BCAS3: variants seen among roughly 807,000 people sequenced by gnomAD.
The protein encoded by BCAS3 is BCAS4/BCAS3 fusion.
Under a neutral mutation model 116.1 loss-of-function variants are expected in BCAS3, and 53 were observed. The ratio of observed to expected loss-of-function variants is 0.46; its 90% CI spans 0.37 to 0.57. The LOEUF (loss-of-function observed/expected upper bound fraction) is 0.57, where lower values mean the gene tolerates loss of function less well. Among genes scored for constraint, BCAS3 ranks in the 20% least tolerant of loss-of-function variants. BCAS3 has a pLI of 0.00. For missense variants in BCAS3, 917 were observed against 1,165.4 expected (o/e 0.79, Z 3.10); for synonymous variants, 391 against 408.2 (o/e 0.96, Z 0.51).
chr17:60,853,588 C>T (rs145063116), intron 7 of BCAS3, among the ~76,000 whole-genome samples: 11 of 152,050 alleles, frequency 7.2e-5, no homozygotes, highest in African/African-American at 9.7e-5. Context: ...GAGATAATCA[C>T]GAGATAGTCA....
chr17:61,095,854 C>A lies in BCAS3; in HGVS notation c.2425+11290C>A, dbSNP rs1178909736. Among the ~76,000 whole-genome samples, 1 of 151,882 alleles carries A rather than the reference C, an allele frequency of 6.6e-6. No homozygotes were observed. The highest frequency in any genetic ancestry group is 1.5e-5 in the Non-Finnish European group (1 of 67,954). ...GTATGCATATTCTCGTACACACACACACACACACACACACACACATTAAAT... is the reference window on the plus strand; with the variant it reads ...GTATGCATATTCTCGTACACACACAAACACACACACACACACACATTAAAT... On this transcript the variant is annotated intron_variant, in intron 22 of 23. Coordinates refer to ENST00000407086, the MANE Select transcript of BCAS3 (RefSeq NM_017679.5). The surrounding 1 kb of genome is among the most constrained non-coding windows in gnomAD (Gnocchi z 4.7).
chr17:61,357,740 C>A (rs146401658), intron 22 of BCAS3, among the ~76,000 whole-genome samples: 4,629 of 147,898 alleles, frequency 0.031, 218 homozygotes, highest in African/African-American at 0.1. Flanking sequence ...CCATGCCCGG[C>A]CAAAAATTTT....
At chr17:61,086,362 G>T (rs1213824771) in intron 22 of BCAS3, among the ~76,000 whole-genome samples, 2 of 152,110 alleles carry the variant, frequency 1.3e-5, no homozygotes, top group Non-Finnish European at 2.9e-5. Context: ...CAAAGTGTTG[G>T]GATTACAGGC....
chr17:60,763,345 C>T (rs2043741534), intron 6 of BCAS3, among the ~76,000 whole-genome samples: 1 of 152,102 alleles, frequency 6.6e-6, no homozygotes, highest in South Asian at 2.1e-4. Context: ...TCTTAAATGG[C>T]TCTTATTATT....
chr17:60,924,518 CTTT>C lies in BCAS3; in HGVS notation c.1087+34_1087+36del, dbSNP rs75229063. ...TACAAGTGGTAAGTTCGCTCTCTGT[CTTT>C]TTTTTTTTTTTTTTTGTAGACCATT... On this transcript the variant is annotated intron_variant, in intron 13 of 23. Transcript: ENST00000407086. The C allele has an allele frequency of 5.0e-3, 5,465 of 1,085,252 alleles. No homozygotes were observed. The highest frequency in any genetic ancestry group is 6.0e-3 in the South Asian group (352 of 58,424). The allele number at this position is 1,085,252 out of a possible 1,614,324, so 67.2% of individuals were successfully genotyped here. A position where few individuals can be genotyped will look rare whatever the true frequency, so the allele number is the denominator to read the frequency against.
chr17:60,703,734 G>A (rs1040757850), intron 4 of BCAS3, among the ~76,000 whole-genome samples: 1 of 150,436 alleles, frequency 6.6e-6, no homozygotes, highest in Non-Finnish European at 1.5e-5. Flanking sequence ...CTAACATGGT[G>A]AAACCCCGTT....
chr17:61,052,811 C>G (rs564564476), intron 19 of BCAS3, among the ~76,000 whole-genome samples: 1 of 150,896 alleles, frequency 6.6e-6, no homozygotes, highest in African/African-American at 2.4e-5. Context: ...CTCTGCCTCC[C>G]GGATCAAGTG....
At chr17:61,257,837 C>T (rs1159202006) in intron 22 of BCAS3, among the ~76,000 whole-genome samples, 1 of 152,176 alleles carries the variant, frequency 6.6e-6, no homozygotes, top group African/African-American at 2.4e-5. Flanking sequence ...AATGCAGTGA[C>T]ACAAACACAG....
Position 61,021,495 on chromosome 17 carries a change from G to T in BCAS3, c.1637+5594G>T, listed in dbSNP as rs1016857757. On this transcript the variant is annotated intron_variant, in intron 16 of 23. Transcript: ENST00000407086. The surrounding 1 kb of genome is among the most constrained non-coding windows in gnomAD (Gnocchi z 4.6). Reference sequence around the variant, plus strand: ...GAGGCCCTGGCTTCTTCTCATCTGGGTTCTGCACCTATTTGCCAGTGTGTC... The same window carrying T: ...GAGGCCCTGGCTTCTTCTCATCTGGTTTCTGCACCTATTTGCCAGTGTGTC... Among the ~76,000 whole-genome samples the T allele has an allele frequency of 1.3e-5, 2 of 151,924 alleles. No homozygotes were observed. The highest frequency in any genetic ancestry group is 4.2e-4 in the South Asian group (2 of 4,806).
In BCAS3 at chr17:61,279,855, A is replaced by G. The variant is rs1453730762; in HGVS notation, c.2426-88472A>G. Among the ~76,000 whole-genome samples the G allele has an allele frequency of 6.6e-6, 1 of 151,100 alleles. No individual in the cohort carries two copies. The highest frequency in any genetic ancestry group is 1.5e-5 in the Non-Finnish European group (1 of 67,934). ...TGCAGGCTGATTGGATGACTGTGGCAGTACCAGCTTTGCTAAATCTCCTTT... is the reference window on the plus strand; with the variant it reads ...TGCAGGCTGATTGGATGACTGTGGCGGTACCAGCTTTGCTAAATCTCCTTT... On this transcript the variant is annotated intron_variant, in intron 22 of 23. Coordinates refer to ENST00000407086, the MANE Select transcript of BCAS3 (RefSeq NM_017679.5). This position sits in a 1 kb window ranked among gnomAD's most constrained non-coding sequence, Gnocchi z 4.4.
In BCAS3 at chr17:61,274,716, T is replaced by G. The variant is rs558315622; in HGVS notation, c.2426-93611T>G. On this transcript the variant is annotated intron_variant, in intron 22 of 23. Transcript: ENST00000407086. ...AGCAAGGGATGTCCACTCTCACCAC[T>G]GCTATTCACCCAAGTACAGGAGGTT... 7.2e-5 allele frequency among the ~76,000 whole-genome samples: 11 copies of G among 152,296 alleles called. No homozygotes were observed. The South Asian group carries it at 2.3e-3, about 32-fold the overall frequency.
At chr17:60,970,447 G>A (rs927831378) in intron 14 of BCAS3, among the ~76,000 whole-genome samples, 1 of 152,030 alleles carries the variant, frequency 6.6e-6, no homozygotes, top group Non-Finnish European at 1.5e-5. Context: ...TTGCCTATAA[G>A]GTAGTGTTGA....
chr17:61,230,959 CT>C (rs763299746), intron 22 of BCAS3, among the ~76,000 whole-genome samples: 17,369 of 121,764 alleles, frequency 0.14, 783 homozygotes, highest in African/African-American at 0.21. Flanking sequence ...TAGTTTTTGC[CT>C]TTTTTTTTTT....
Position 61,352,075 on chromosome 17 carries a change from C to G in BCAS3, c.2426-16252C>G, listed in dbSNP as rs1379993804. 6.6e-6 allele frequency among the ~76,000 whole-genome samples: 1 copy of G among 152,176 alleles called. No homozygotes were observed. The highest frequency in any genetic ancestry group is 2.4e-5 in the African/African-American group (1 of 41,438). On this transcript the variant is annotated intron_variant, in intron 22 of 23. Transcript: ENST00000407086. This position sits in a 1 kb window ranked among gnomAD's most constrained non-coding sequence, Gnocchi z 4.7. ...ATCTGAGGGATACAAGAAAACTATT[C>G]TAGTAGTTTTTCAACCCTAAAGGCA... is the stretch of plus-strand genomic sequence containing the variant.
intron 14 of BCAS3, among the ~76,000 whole-genome samples, chr17:60,968,768 T>C (rs1309258108): frequency 6.6e-6 from 1 of 152,132 alleles, no homozygotes; most frequent in African/African-American, 2.4e-5. Flanking sequence ...CACTCTAATT[T>C]GGTGTCTCCT....
At chr17:61,298,154 C>T (rs962522896) in intron 22 of BCAS3, among the ~76,000 whole-genome samples, 2 of 152,152 alleles carry the variant, frequency 1.3e-5, no homozygotes, top group African/African-American at 4.8e-5. Context: ...GAAAAGGCCA[C>T]GAGTCTCACT....
rs947313446 is a variant in BCAS3 at position 61,019,785 on chromosome 17, A to G, written c.1637+3884A>G. Among the ~76,000 whole-genome samples the G allele has an allele frequency of 1.3e-5, 2 of 152,204 alleles. No individual in the cohort carries two copies. Among genetic ancestry groups the G allele is most frequent in the East Asian group, 3.8e-4 (2 of 5,196 alleles). Reference sequence around the variant, plus strand: ...TGTATTGTATTTGCTGAGAAATCTGATGGCTCCATTAACGTCACCAGGGTG... The same window carrying G: ...TGTATTGTATTTGCTGAGAAATCTGGTGGCTCCATTAACGTCACCAGGGTG... On this transcript the variant is annotated intron_variant, in intron 16 of 23. Transcript: ENST00000407086. This position sits in a 1 kb window ranked among gnomAD's most constrained non-coding sequence, Gnocchi z 5.6.
At chr17:60,908,147 A>G (rs1423033253) in intron 11 of BCAS3, among the ~76,000 whole-genome samples, 2 of 152,054 alleles carry the variant, frequency 1.3e-5, no homozygotes, top group Non-Finnish European at 2.9e-5. Context: ...AACTCCATCA[A>G]TAGTCATGTT....
chr17:61,361,209 A>C lies in BCAS3; in HGVS notation c.2426-7118A>C, dbSNP rs1318848403. On this transcript the variant is annotated intron_variant, in intron 22 of 23. Coordinates refer to ENST00000407086, the MANE Select transcript of BCAS3 (RefSeq NM_017679.5). The surrounding 1 kb of genome is among the most constrained non-coding windows in gnomAD (Gnocchi z 6.5). ...AAAAAGAATTAAAAAAAAAAAAAGA[A>C]AAGACCCAGACGGAGTAGCAACTTG... Among the ~76,000 whole-genome samples, 4 of 151,800 alleles carry C rather than the reference A, an allele frequency of 2.6e-5. No individual in the cohort carries two copies. Among genetic ancestry groups the C allele is most frequent in the Non-Finnish European group, 5.9e-5 (4 of 68,018 alleles).
Sources: gnomAD v4.1 joint callset for allele counts (sites outside exome capture counted in the v4.1 genomes callset) on GRCh38, gnomAD v4.1.1 for gene constraint, Gnocchi (gnomAD v3.1) non-coding constraint, MANE v1.5 for transcripts, NCBI Gene and HGNC (gene_info 2026-07-23, HGNC 2026-07-21) for gene names.